Variants in RASEF observed in about 807,000 individuals in gnomAD.
RASEF encodes RAS and EF-hand domain containing.
In RASEF, 68 loss-of-function variants were observed where a neutral mutation model predicts 90.1. That is an observed-to-expected ratio of 0.75 (90% CI 0.62 to 0.92). RASEF has a LOEUF of 0.92. RASEF is among the 40% of genes least tolerant of loss of function. RASEF has a pLI of 0.00. For synonymous variants in RASEF, 331 were observed against 345.2 expected (o/e 0.96, Z 0.46); for missense variants, 949 against 937.2 (o/e 1.01, Z -0.16).
intron 1 of RASEF, among the ~76,000 whole-genome samples, chr9:83,032,828 C>T (rs17085982): frequency 6.6e-6 from 1 of 152,026 alleles, no homozygotes; most frequent in South Asian, 2.1e-4. Flanking sequence ...GGTCACGCAC[C>T]CATTTTCATA....
At chr9:83,034,338 T>C (rs1377786996) in intron 1 of RASEF, among the ~76,000 whole-genome samples, 1 of 152,216 alleles carries the variant, frequency 6.6e-6, no homozygotes, top group African/African-American at 2.4e-5. Flanking sequence ...TGCTGTTGTC[T>C]GATCAGAGGA....
intron 9 of RASEF, among the ~76,000 whole-genome samples, chr9:83,003,986 A>G (rs935514353): frequency 6.6e-6 from 1 of 152,204 alleles, no homozygotes; most frequent in African/African-American, 2.4e-5. Context: ...ACACAAGGCT[A>G]AATTCTAACT....
At chr9:82,999,879 C>T (rs1828990873) in intron 12 of RASEF, among the ~76,000 whole-genome samples, 1 of 152,028 alleles carries the variant, frequency 6.6e-6, no homozygotes. Flanking sequence ...GCTGGGATTA[C>T]AGGCATGAAC....
intron 1 of RASEF, among the ~76,000 whole-genome samples, chr9:83,033,582 G>A (rs1464139964): frequency 4.6e-5 from 7 of 152,184 alleles, no homozygotes; most frequent in Admixed American, 2.6e-4. Flanking sequence ...GAAGGGGGTC[G>A]GCGGGGATGT....
At chr9:83,084,663 C>G in the RASEF span, among the ~76,000 whole-genome samples, 1 of 152,128 alleles carries the variant, frequency 6.6e-6, no homozygotes, top group South Asian at 2.1e-4. Flanking sequence ...CTTTTTCCCA[C>G]CCGTCTGTAT....
chr9:83,096,929 A>G, the RASEF span, among the ~76,000 whole-genome samples: 2 of 152,022 alleles, frequency 1.3e-5, no homozygotes, highest in Admixed American at 6.6e-5. Context: ...GATGGTTTCC[A>G]GCTTCATCCA....
intron 2 of RASEF, among the ~76,000 whole-genome samples, chr9:83,025,375 T>C (rs2118573794): frequency 6.6e-6 from 1 of 152,280 alleles, no homozygotes; most frequent in East Asian, 1.9e-4. Flanking sequence ...ATTTTGCAGT[T>C]GCAGGAATTG....
chr9:83,117,441 C>T, the RASEF span, among the ~76,000 whole-genome samples: 1 of 152,188 alleles, frequency 6.6e-6, no homozygotes, highest in Non-Finnish European at 1.5e-5. Context: ...CAGGATCATT[C>T]CACCTCAGAA....
chr9:82,998,464 A>G lies in RASEF; in HGVS notation c.1724-18T>C, dbSNP rs200192730. On this transcript the variant is annotated intron_variant, in intron 12 of 16. Transcript: ENST00000376447. ...ATCAACTCCTGAAAAGGAATGTGAG[A>G]GTGGAGAGCACGATGTAAATAATTC... 3.3e-4 allele frequency: 483 copies of G among 1,480,768 alleles called. 1 individual carries two copies. The highest frequency in any genetic ancestry group is 3.0e-4 in the Non-Finnish European group (318 of 1,059,182). 91.7% of individuals were successfully genotyped at this position (1,480,768 alleles called of 1,614,324 possible).
At chr9:83,123,133 G>A in the RASEF span, among the ~76,000 whole-genome samples, 3 of 151,926 alleles carry the variant, frequency 2.0e-5, no homozygotes, top group Non-Finnish European at 4.4e-5. Context: ...GCAGCTACTC[G>A]GGAGGCTGAG....
intron 2 of RASEF, among the ~76,000 whole-genome samples, chr9:83,023,283 G>C (rs374363757): frequency 4.3e-4 from 65 of 152,304 alleles, no homozygotes; most frequent in African/African-American, 1.2e-3. Flanking sequence ...TTATGTTTCT[G>C]TTAGGAGTGC....
the RASEF span, among the ~76,000 whole-genome samples, chr9:83,143,547 G>A: frequency 6.6e-6 from 1 of 152,034 alleles, no homozygotes; most frequent in African/African-American, 2.4e-5. Context: ...TTAACTTATT[G>A]CTAATATTGT....
chr9:83,013,131 C>A (rs931914771), intron 4 of RASEF, among the ~76,000 whole-genome samples: 2 of 152,160 alleles, frequency 1.3e-5, no homozygotes, highest in Admixed American at 6.5e-5. Flanking sequence ...CTGGTTGACT[C>A]ATTTCTATTG....
At chr9:83,195,845 T>C in the RASEF span, among the ~76,000 whole-genome samples, 1 of 152,088 alleles carries the variant, frequency 6.6e-6, no homozygotes, top group Non-Finnish European at 1.5e-5. Flanking sequence ...TCTTCTCCTT[T>C]CTTGCTTTTT....
At position 83,055,744 on chromosome 9, in the gene RASEF, T is replaced by C. The variant is rs1215666581; in HGVS notation, c.431+6693A>G. 3 of 694,472 alleles carry C rather than the reference T, an allele frequency of 4.3e-6. No homozygotes were observed. In the African/African-American group the frequency reaches 5.3e-5, roughly 12 times the overall value. The allele number at this position is 694,472 out of a possible 1,614,324, so 43.0% of individuals were successfully genotyped here. On this transcript the variant is annotated intron_variant, in intron 1 of 16. Coordinates refer to ENST00000376447, the MANE Select transcript of RASEF (RefSeq NM_152573.4). ...GTGATTTGGAATGAGCTCACATCAA[T>C]TTATTTTACATTATTGCCAAAATGA...
the RASEF span, among the ~76,000 whole-genome samples, chr9:83,187,829 C>T: frequency 2.2e-4 from 33 of 152,118 alleles, no homozygotes; most frequent in Non-Finnish European, 2.9e-5. Context: ...GAATTATTTC[C>T]TCCTTCCACA....
the RASEF span, among the ~76,000 whole-genome samples, chr9:83,125,856 A>G: frequency 6.6e-6 from 1 of 152,230 alleles, no homozygotes; most frequent in African/African-American, 2.4e-5. Context: ...GTGGTAAAAG[A>G]AAACATTTAG....
chr9:83,038,720 T>C (rs1829786606), intron 1 of RASEF, among the ~76,000 whole-genome samples: 1 of 152,202 alleles, frequency 6.6e-6, no homozygotes, highest in South Asian at 2.1e-4. Flanking sequence ...AACTAGTACA[T>C]AGGACCACTA....
the RASEF span, among the ~76,000 whole-genome samples, chr9:83,161,694 G>T: frequency 2.6e-5 from 4 of 151,262 alleles, no homozygotes; most frequent in Non-Finnish European, 5.9e-5. Flanking sequence ...GGGGCCAAAT[G>T]ATAGTTTGGC....
Sources: gnomAD v4.1 joint callset for allele counts (sites outside exome capture counted in the v4.1 genomes callset) on GRCh38, gnomAD v4.1.1 for gene constraint, MANE v1.5 for transcripts, NCBI Gene and HGNC (gene_info 2026-07-23, HGNC 2026-07-21) for gene names.